Variants in ZNF365 observed in about 807,000 individuals in gnomAD.
ZNF365 encodes protein ZNF365.
In ZNF365, 22 loss-of-function variants were observed where a neutral mutation model predicts 35.0. The ratio of observed to expected loss-of-function variants is 0.63; its 90% CI spans 0.45 to 0.90. The LOEUF is 0.90. ZNF365 is among the 40% of genes least tolerant of loss of function. The pLI, the probability that ZNF365 is intolerant of heterozygous loss-of-function variation, is 0.00. For missense variants in ZNF365, 448 were observed against 500.3 expected (o/e 0.90, Z 1.00); for synonymous variants, 188 against 196.2 (o/e 0.96, Z 0.35).
chr10:62,467,300 G>A (rs887332659), intron 4 of ZNF365, among the ~76,000 whole-genome samples: 4 of 151,592 alleles, frequency 2.6e-5, no homozygotes, highest in African/African-American at 9.7e-5. Context: ...ATTTTTTTTT[G>A]TTCCAATACC....
chr10:62,415,916 A>G (rs1386768131), intron 3 of ZNF365, among the ~76,000 whole-genome samples: 3 of 152,254 alleles, frequency 2.0e-5, no homozygotes, highest in African/African-American at 7.2e-5. Flanking sequence ...AAAATTAGCC[A>G]TTCTTGTCCT....
intron 3 of ZNF365, among the ~76,000 whole-genome samples, chr10:62,437,335 A>C (rs1431541356): frequency 2.0e-5 from 3 of 152,218 alleles, no homozygotes; most frequent in Non-Finnish European, 1.5e-5. Flanking sequence ...TATCTAAAAA[A>C]GTTGATCTAT....
intron 3 of ZNF365, among the ~76,000 whole-genome samples, chr10:62,456,238 A>T (rs1202569464): frequency 6.8e-6 from 1 of 147,770 alleles, no homozygotes; most frequent in Non-Finnish European, 1.5e-5. Context: ...TCCATAAGAT[A>T]AAAAAAAAAA....
rs921413470 is a variant in ZNF365 at position 62,473,577 on chromosome 10, A to G, written c.982-6299A>G. 1.3e-4 allele frequency among the ~76,000 whole-genome samples: 18 copies of G among 143,852 alleles called. 3 individuals are homozygous for G. Among genetic ancestry groups the G allele is most frequent in the Admixed American group, 9.7e-4 (14 of 14,418 alleles). The allele number at this position is 143,852 out of a possible 152,430, so 94.4% of individuals were successfully genotyped here. A position where few individuals can be genotyped will look rare whatever the true frequency, so the allele number is the denominator to read the frequency against. ...CAAGTACTTCCACCTCTCTGTAATGAAGTTCTTCATCTGGGAAATGAAGAA... is the reference window on the plus strand; with the variant it reads ...CAAGTACTTCCACCTCTCTGTAATGGAGTTCTTCATCTGGGAAATGAAGAA... On this transcript the variant is annotated intron_variant, in intron 4 of 4. Coordinates refer to the ZNF365 transcript ENST00000395255.
intron 3 of ZNF365, among the ~76,000 whole-genome samples, chr10:62,408,269 A>G (rs1380931230): frequency 6.6e-6 from 1 of 152,140 alleles, no homozygotes; most frequent in African/African-American, 2.4e-5. Flanking sequence ...GAAAAACAAG[A>G]TTCTTCCCTG....
chr10:62,388,494 G>T lies in ZNF365; in HGVS notation c.842G>T (p.Arg281Leu). The part of the protein sequence containing the change: ...LQDFIENLLQ[R>L]VELAEKQLEY... ...GACTTTATTGAGAATCTGTTACAGC[G>T]GGTAGAACTGGCGGAGAAGCAGCTT... is the stretch of plus-strand genomic sequence containing the variant. The change falls in exon 3 of 5, where the codon CGG becomes CTG. Residue 281 changes from arginine (R) to leucine (L), a missense_variant. Physicochemically the swap from Arg to Leu is moderately radical, Grantham distance 102. Transcript: ENST00000395254. The T allele has an allele frequency of 6.2e-7, 1 of 1,614,184 alleles. No individual in the cohort carries two copies. The highest frequency in any genetic ancestry group is 2.2e-5 in the East Asian group (1 of 44,884).
intron 2 of ZNF365, among the ~76,000 whole-genome samples, chr10:62,384,584 G>A (rs1839495409): frequency 6.6e-6 from 1 of 152,196 alleles, no homozygotes; most frequent in Non-Finnish European, 1.5e-5. Flanking sequence ...CATTCAGTCT[G>A]TTGCAAATTT....
chr10:62,457,170 C>T (rs1472385164), intron 3 of ZNF365, among the ~76,000 whole-genome samples: 2 of 152,162 alleles, frequency 1.3e-5, no homozygotes, highest in African/African-American at 4.8e-5. Flanking sequence ...AGTGCAAGAC[C>T]AGCTGCACAA....
chr10:62,400,950 C>T lies in ZNF365; in HGVS notation c.*1161C>T, dbSNP rs774896162. On this transcript the variant is annotated 3_prime_UTR_variant, in exon 5 of 5. Coordinates refer to ENST00000395254, the MANE Select transcript of ZNF365 (RefSeq NM_014951.3). ...GACACTGTCTTCCCCTCCTTCCCTC[C>T]CTAAAATGGCTTTAGTTTCCACAAA... The T allele has an allele frequency of 1.2e-5, 12 of 985,376 alleles. No homozygotes were observed. The highest frequency in any genetic ancestry group is 1.4e-5 in the Non-Finnish European group (12 of 829,930). 61.0% of individuals were successfully genotyped at this position (985,376 alleles called of 1,614,324 possible). A position where few individuals can be genotyped will look rare whatever the true frequency, so the allele number is the denominator to read the frequency against.
intron 4 of ZNF365, among the ~76,000 whole-genome samples, chr10:62,471,419 A>G (rs7896491): frequency 0.11 from 16,844 of 151,838 alleles, 982 homozygotes; most frequent in East Asian, 0.17. Context: ...GATTTGAAAT[A>G]GCATCATTTA....
At chr10:62,452,955 A>G (rs1840707008) in intron 3 of ZNF365, among the ~76,000 whole-genome samples, 1 of 152,210 alleles carries the variant, frequency 6.6e-6, no homozygotes. Context: ...GTAAAATGTA[A>G]GTGTATCTTC....
chr10:62,398,703 A>G, intron 3 of ZNF365, 37 bp from the exon 4 acceptor site: 2 of 1,597,566 alleles, frequency 1.3e-6, no homozygotes, highest in South Asian at 1.1e-5. Flanking sequence ...CAGTCCTCAA[A>G]TGCAGTTAAC....
intron 3 of ZNF365, among the ~76,000 whole-genome samples, chr10:62,457,286 T>A (rs1840776519): frequency 6.6e-6 from 1 of 152,208 alleles, no homozygotes; most frequent in Non-Finnish European, 1.5e-5. Flanking sequence ...TCTCCTCCCA[T>A]GAAAGTGAGA....
At position 62,384,248 on chromosome 10, in the gene ZNF365, C is replaced by T. The variant is rs145524226; in HGVS notation, c.744-4148C>T. 3.8e-3 allele frequency among the ~76,000 whole-genome samples: 573 copies of T among 152,222 alleles called. 5 individuals are homozygous for T. The highest frequency in any genetic ancestry group is 4.8e-3 in the Non-Finnish European group (326 of 68,014). On this transcript the variant is annotated intron_variant, in intron 2 of 4. Coordinates refer to ENST00000395254, the MANE Select transcript of ZNF365 (RefSeq NM_014951.3). Reference sequence around the variant, plus strand: ...GTTGGCCCTTATCTTCTCATCTGGCCTTCCAGCTTTCACACTGTATTCTGA... The same window carrying T: ...GTTGGCCCTTATCTTCTCATCTGGCTTTCCAGCTTTCACACTGTATTCTGA...
chr10:62,465,072 C>G (rs1840916480), intron 4 of ZNF365, among the ~76,000 whole-genome samples: 1 of 152,228 alleles, frequency 6.6e-6, no homozygotes, highest in East Asian at 1.9e-4. Context: ...TCCCTTTGCT[C>G]TCAGGATCCC....
chr10:62,464,495 G>A (rs564893376), intron 4 of ZNF365, among the ~76,000 whole-genome samples: 6 of 152,216 alleles, frequency 3.9e-5, no homozygotes, highest in Non-Finnish European at 7.3e-5. Context: ...CATAGCAGAT[G>A]TTCAGTAAAT....
In ZNF365 at chr10:62,401,016, A is replaced by G; in HGVS notation, c.*1227A>G. ...TCCTGCTGTATGATTTTCCTCAAGAATGAATTTCCATGTTATTTTTTCCTT... is the reference window on the plus strand; with the variant it reads ...TCCTGCTGTATGATTTTCCTCAAGAGTGAATTTCCATGTTATTTTTTCCTT... On this transcript the variant is annotated 3_prime_UTR_variant, in exon 5 of 5. Coordinates refer to ENST00000395254, the MANE Select transcript of ZNF365 (RefSeq NM_014951.3). The G allele has an allele frequency of 3.0e-6, 3 of 985,574 alleles. No homozygotes were observed. The highest frequency in any genetic ancestry group is 3.6e-6 in the Non-Finnish European group (3 of 829,926). The allele number at this position is 985,574 out of a possible 1,614,324, so 61.1% of individuals were successfully genotyped here.
At chr10:62,391,580 C>T (rs1442346372) in intron 3 of ZNF365, among the ~76,000 whole-genome samples, 1 of 152,228 alleles carries the variant, frequency 6.6e-6, no homozygotes, top group African/African-American at 2.4e-5. Flanking sequence ...TTCTTTCTTT[C>T]CTTTTTATGG....
intron 3 of ZNF365, among the ~76,000 whole-genome samples, chr10:62,459,075 G>C (rs569319325): frequency 1.9e-4 from 29 of 152,324 alleles, no homozygotes; most frequent in African/African-American, 6.5e-4. Flanking sequence ...TTAGTACTAT[G>C]TATACATTTA....
Sources: gnomAD v4.1 joint callset for allele counts (sites outside exome capture counted in the v4.1 genomes callset) on GRCh38, gnomAD v4.1.1 for gene constraint, MANE v1.5 for transcripts, NCBI Gene and HGNC (gene_info 2026-07-23, HGNC 2026-07-21) for gene names.